WIPF3: variants seen among roughly 807,000 people sequenced by gnomAD.
WIPF3 encodes WAS/WASL interacting protein family member 3.
A neutral mutation model predicts 38.9 loss-of-function variants in WIPF3; 33 were observed. That is an observed-to-expected ratio of 0.85 (90% CI 0.64 to 1.14). WIPF3 has a LOEUF of 1.14. WIPF3 is among the 50% of genes most tolerant of loss of function. WIPF3 has a pLI of 0.00. For missense variants in WIPF3, 711 were observed against 652.5 expected (o/e 1.09, Z -0.98); for synonymous variants, 324 against 269.3 (o/e 1.20, Z -1.99).
At chr7:29,853,516 A>C (rs1785139104) in intron 2 of WIPF3, among the ~76,000 whole-genome samples, 1 of 152,236 alleles carries the variant, frequency 6.6e-6, no homozygotes, top group African/African-American at 2.4e-5. Flanking sequence ...GCCCCAGGGC[A>C]GTCAGTATTA....
At chr7:29,839,847 C>T (rs73686240) in intron 2 of WIPF3, among the ~76,000 whole-genome samples, 5 of 152,310 alleles carry the variant, frequency 3.3e-5, no homozygotes. Flanking sequence ...GCTACAGCAG[C>T]AGAACACCAA....
intron 7 of WIPF3, among the ~76,000 whole-genome samples, chr7:29,903,664 G>A (rs1320408203): frequency 1.3e-5 from 2 of 150,784 alleles, no homozygotes; most frequent in South Asian, 4.3e-4. Flanking sequence ...ACATGTATCT[G>A]TATATATACA....
chr7:29,879,540 G>C (rs1337911083), intron 4 of WIPF3, among the ~76,000 whole-genome samples: 1 of 152,198 alleles, frequency 6.6e-6, no homozygotes, highest in Admixed American at 6.5e-5. Context: ...ATATCAGTTA[G>C]GTACTGCTGT....
intron 7 of WIPF3, among the ~76,000 whole-genome samples, chr7:29,891,176 C>T (rs368974378): frequency 9.2e-5 from 2 of 21,832 alleles, no homozygotes; most frequent in Admixed American, 4.9e-4. Flanking sequence ...GGAGGGGGCG[C>T]GGGCCTGCCC....
chr7:29,876,315 C>T (rs1293907589), intron 3 of WIPF3, among the ~76,000 whole-genome samples: 1 of 152,194 alleles, frequency 6.6e-6, no homozygotes, highest in Non-Finnish European at 1.5e-5. Flanking sequence ...GTTGTTGCAA[C>T]AATCACCTCT....
chr7:29,894,736 C>A (rs898293582), intron 7 of WIPF3, among the ~76,000 whole-genome samples: 5 of 150,798 alleles, frequency 3.3e-5, no homozygotes, highest in Non-Finnish European at 5.9e-5. Flanking sequence ...CCTCTGTCCC[C>A]ACCTGCTTGT....
chr7:29,896,378 G>T (rs1257028562), intron 7 of WIPF3, among the ~76,000 whole-genome samples: 3 of 152,198 alleles, frequency 2.0e-5, no homozygotes, highest in Non-Finnish European at 4.4e-5. Context: ...ACTTTGGGAG[G>T]CCAAAGCAGG....
Position 29,904,274 on chromosome 7 carries a change from T to A in WIPF3, c.1352-12T>A. The A allele has an allele frequency of 6.2e-7, 1 of 1,613,706 alleles. No homozygotes were observed. The highest frequency in any genetic ancestry group is 8.5e-7 in the Non-Finnish European group (1 of 1,179,746). ...GGCCAATAGATAATGAGATTGTTCT[T>A]TTTTCCTTCAGGCCGTACACCTGGT... is the stretch of plus-strand genomic sequence containing the variant. On this transcript the variant is annotated splice_polypyrimidine_tract_variant and intron_variant, in intron 7 of 8. Coordinates refer to ENST00000242140, the MANE Select transcript of WIPF3 (RefSeq NM_001080529.3).
chr7:29,845,535 C>A (rs952483577), intron 2 of WIPF3, among the ~76,000 whole-genome samples: 21 of 152,186 alleles, frequency 1.4e-4, no homozygotes, highest in Admixed American at 2.6e-4. Flanking sequence ...AACTTTGTAC[C>A]ATATGTTGCC....
intron 7 of WIPF3, among the ~76,000 whole-genome samples, chr7:29,900,179 C>A (rs202094300): frequency 9.8e-6 from 1 of 102,384 alleles, no homozygotes; most frequent in Non-Finnish European, 2.2e-5. Flanking sequence ...TCAAGTGATC[C>A]GCCTGCCTCA....
intron 1 of WIPF3, among the ~76,000 whole-genome samples, chr7:29,817,496 G>T (rs143613215): frequency 6.6e-6 from 1 of 152,006 alleles, no homozygotes; most frequent in East Asian, 1.9e-4. Flanking sequence ...TTAAAAATTT[G>T]ATTCCTTGCA....
intron 7 of WIPF3, among the ~76,000 whole-genome samples, chr7:29,901,846 A>AG (rs1488441247): frequency 2.3e-5 from 1 of 42,990 alleles, no homozygotes; most frequent in African/African-American, 6.2e-5. Context: ...AAAAAAAAAA[A>AG]AAAGAAAGAA....
intron 8 of WIPF3, among the ~76,000 whole-genome samples, chr7:29,909,505 G>A (rs1353455800): frequency 1.3e-5 from 2 of 152,166 alleles, no homozygotes; most frequent in African/African-American, 4.8e-5. Context: ...GATTATAAGA[G>A]AGTATTATAA....
At chr7:29,829,980 G>T (rs907953218) in intron 1 of WIPF3, among the ~76,000 whole-genome samples, 15 of 152,164 alleles carry the variant, frequency 9.9e-5, no homozygotes, top group Admixed American at 6.5e-5. Context: ...TAAATGGGTT[G>T]AGAGAACACA....
intron 3 of WIPF3, among the ~76,000 whole-genome samples, chr7:29,877,665 G>T (rs62457590): frequency 0.11 from 17,239 of 152,196 alleles, 1,058 homozygotes; most frequent in African/African-American, 0.16. Context: ...GGCTGAGACG[G>T]TGACACCTTT....
In WIPF3 at chr7:29,818,690, A is replaced by G. The variant is rs928568774; in HGVS notation, c.-58+12012A>G. On this transcript the variant is annotated intron_variant, in intron 1 of 8. Coordinates refer to ENST00000242140, the MANE Select transcript of WIPF3 (RefSeq NM_001080529.3). ...CTTCTTTTCAACTATTATACAATTT[A>G]GTTCTTTCTTTTATCTAATTGAATT... Among the ~76,000 whole-genome samples, 4 of 151,966 alleles carry G rather than the reference A, an allele frequency of 2.6e-5. No homozygotes were observed. In the South Asian group the frequency reaches 6.2e-4, roughly 24 times the overall value.
chr7:29,865,516 A>G (rs888523787), intron 2 of WIPF3, among the ~76,000 whole-genome samples: 2 of 152,128 alleles, frequency 1.3e-5, no homozygotes, highest in Non-Finnish European at 2.9e-5. Context: ...CACTAGGGGT[A>G]TGGAGGATCA....
In WIPF3 at chr7:29,849,522, G is replaced by T. The variant is rs564581863; in HGVS notation, c.90+14708G>T. Among the ~76,000 whole-genome samples, 3 of 152,312 alleles carry T rather than the reference G, an allele frequency of 2.0e-5. No homozygotes were observed. The South Asian group carries it at 6.2e-4, about 32-fold the overall frequency. ...TTCCCAGTTGGCAACTCTTCTTGATGCCAAGGACACCAGATATGGAAGAAT... is the reference window on the plus strand; with the variant it reads ...TTCCCAGTTGGCAACTCTTCTTGATTCCAAGGACACCAGATATGGAAGAAT... On this transcript the variant is annotated intron_variant, in intron 2 of 8. Coordinates refer to ENST00000242140, the MANE Select transcript of WIPF3 (RefSeq NM_001080529.3).
chr7:29,852,184 T>C lies in WIPF3; in HGVS notation c.90+17370T>C, dbSNP rs552694484. Among the ~76,000 whole-genome samples the C allele has an allele frequency of 8.5e-5, 13 of 152,234 alleles. No homozygotes were observed. The South Asian group carries it at 2.7e-3, about 32-fold the overall frequency. ...GCCTAGCTAATTTATTTTTTATTTATTTTGTAGAGACAGGTCTCGCTTTGT... is the reference window on the plus strand; with the variant it reads ...GCCTAGCTAATTTATTTTTTATTTACTTTGTAGAGACAGGTCTCGCTTTGT... On this transcript the variant is annotated intron_variant, in intron 2 of 8. Coordinates refer to ENST00000242140, the MANE Select transcript of WIPF3 (RefSeq NM_001080529.3).
Sources: gnomAD v4.1 joint callset for allele counts (sites outside exome capture counted in the v4.1 genomes callset) on GRCh38, gnomAD v4.1.1 for gene constraint, MANE v1.5 for transcripts, NCBI Gene and HGNC (gene_info 2026-07-23, HGNC 2026-07-21) for gene names.